Variants in GLI3 observed in about 807,000 individuals in gnomAD.
The protein encoded by GLI3 is transcription activator GLI3.
In GLI3, 20 loss-of-function variants were observed where a neutral mutation model predicts 100.8. The observed-to-expected ratio is 0.20, with a 90% CI of 0.14 to 0.29. The LOEUF (loss-of-function observed/expected upper bound fraction) is 0.29, where lower values mean the gene tolerates loss of function less well. Ranked by LOEUF, GLI3 falls within the 10% of genes least tolerant of loss-of-function variation. The pLI is 1.00. For synonymous variants in GLI3, 938 were observed against 860.5 expected (o/e 1.09, Z -1.58); for missense variants, 2,040 against 2,128.5 (o/e 0.96, Z 0.82).
At chr7:42,136,172 A>C (rs1786423868) in intron 3 of GLI3, among the ~76,000 whole-genome samples, 1 of 152,236 alleles carries the variant, frequency 6.6e-6, no homozygotes. Context: ...GATTTCACAT[A>C]ATGAATTAAG....
chr7:42,052,042 C>T (rs1784362821), intron 4 of GLI3, among the ~76,000 whole-genome samples: 1 of 152,298 alleles, frequency 6.6e-6, no homozygotes, highest in African/African-American at 2.4e-5. Context: ...TTTGCCCTCG[C>T]CATAGTTTTG....
intron 2 of GLI3, among the ~76,000 whole-genome samples, chr7:42,153,457 C>T (rs752933828): frequency 6.6e-6 from 1 of 151,956 alleles, no homozygotes; most frequent in Non-Finnish European, 1.5e-5. Context: ...ACTAAGGAAA[C>T]TCTCCATCAT....
intron 1 of GLI3, among the ~76,000 whole-genome samples, chr7:42,249,122 A>G (rs984152670): frequency 9.9e-5 from 15 of 152,172 alleles, no homozygotes; most frequent in African/African-American, 3.4e-4. Context: ...TTTCTAAGCA[A>G]TCACAGACTC....
chr7:42,103,658 T>C (rs1245673099), intron 3 of GLI3, among the ~76,000 whole-genome samples: 1 of 152,124 alleles, frequency 6.6e-6, no homozygotes, highest in African/African-American at 2.4e-5. Context: ...ACCCAGTCCT[T>C]TTCACATTCC....
intron 10 of GLI3, among the ~76,000 whole-genome samples, chr7:42,007,224 A>T (rs1440883209): frequency 4.4e-5 from 3 of 68,450 alleles, no homozygotes; most frequent in Admixed American, 2.9e-4. Context: ...AGGAAATTTA[A>T]AAAAAAAAAA....
intron 10 of GLI3, among the ~76,000 whole-genome samples, chr7:42,018,261 C>T (rs538062517): frequency 2.6e-5 from 4 of 152,256 alleles, no homozygotes; most frequent in African/African-American, 4.8e-5. Context: ...TTTTATATGC[C>T]GTGTTTCCAA....
At chr7:42,159,403 C>T (rs1787080623) in intron 2 of GLI3, among the ~76,000 whole-genome samples, 3 of 152,198 alleles carry the variant, frequency 2.0e-5, no homozygotes, top group Admixed American at 1.3e-4. Context: ...AGTATAATCC[C>T]TTCCCACTGG....
chr7:42,046,145 T>C (rs540811906), intron 5 of GLI3, among the ~76,000 whole-genome samples: 6 of 152,340 alleles, frequency 3.9e-5, no homozygotes, highest in South Asian at 2.1e-4. Flanking sequence ...CTGGAGCAAT[T>C]TACTGCCAAG....
chr7:42,084,303 G>A (rs1011532229), intron 3 of GLI3, among the ~76,000 whole-genome samples: 4 of 152,174 alleles, frequency 2.6e-5, no homozygotes, highest in African/African-American at 9.7e-5. Context: ...TCCTCTGCAA[G>A]TGAACTGACA....
chr7:42,148,308 T>C lies in GLI3; in HGVS notation c.285A>G (p.Pro95=). The change falls in exon 3 of 15, where the codon CCA becomes CCG. Residue 95 remains proline, a synonymous_variant. Coordinates refer to ENST00000395925, the MANE Select transcript of GLI3 (RefSeq NM_000168.6). ...LIKKEIHGSL[P]HVAEPSVPYR... is the part of the protein sequence containing the mutation. Reference sequence around the variant, plus strand: ...ACGGCACAGAGGGCTCCGCCACGTGTGGCAGGGACCCATGGATCTCTTTCT... The same window carrying C: ...ACGGCACAGAGGGCTCCGCCACGTGCGGCAGGGACCCATGGATCTCTTTCT... The C allele has an allele frequency of 6.2e-7, 1 of 1,613,514 alleles. No individual in the cohort carries two copies. Among genetic ancestry groups the C allele is most frequent in the Non-Finnish European group, 8.5e-7 (1 of 1,179,724 alleles).
At chr7:41,987,121 CACA>C (rs1256618832) in intron 10 of GLI3, among the ~76,000 whole-genome samples, 1 of 151,788 alleles carries the variant, frequency 6.6e-6, no homozygotes, top group Non-Finnish European at 1.5e-5. Context: ...CACACACACA[CACA>C]CACACACACA....
chr7:41,977,333 G>A (rs777155002), intron 12 of GLI3, among the ~76,000 whole-genome samples: 2 of 152,152 alleles, frequency 1.3e-5, no homozygotes, highest in Admixed American at 6.5e-5. Flanking sequence ...TAAGTTCGCA[G>A]GGGTTTTAAG....
In GLI3 at chr7:42,194,759, C is replaced by CTT. The variant is rs61524545; in HGVS notation, c.124+28369_124+28370dup. ...AATGCATCAACTTCTCTCTCTGTCT[C>CTT]TTTTTTTTTTTTTTTTTGGAGTCGG... is the stretch of plus-strand genomic sequence containing the variant. On this transcript the variant is annotated intron_variant, in intron 2 of 14. Coordinates refer to ENST00000395925, the MANE Select transcript of GLI3 (RefSeq NM_000168.6). Among the ~76,000 whole-genome samples the CTT allele has an allele frequency of 1.3e-4, 14 of 108,940 alleles. 1 individual carries two copies. The highest frequency in any genetic ancestry group is 3.2e-4 in the South Asian group (1 of 3,106). 71.5% of individuals were successfully genotyped at this position (108,940 alleles called of 152,430 possible). A position where few individuals can be genotyped will look rare whatever the true frequency, so the allele number is the denominator to read the frequency against.
intron 3 of GLI3, among the ~76,000 whole-genome samples, chr7:42,088,507 C>G (rs1245517501): frequency 6.6e-6 from 1 of 152,130 alleles, no homozygotes; most frequent in African/African-American, 2.4e-5. Context: ...CCGTCCACCC[C>G]TTAGAGCACC....
intron 4 of GLI3, among the ~76,000 whole-genome samples, chr7:42,065,321 T>C (rs548751480): frequency 1.3e-5 from 2 of 151,850 alleles, no homozygotes; most frequent in South Asian, 4.2e-4. Context: ...GCACCCCACC[T>C]GCTTGTTAAG....
At chr7:42,092,303 C>T (rs982870498) in intron 3 of GLI3, among the ~76,000 whole-genome samples, 16 of 152,176 alleles carry the variant, frequency 1.1e-4, no homozygotes, top group African/African-American at 3.9e-4. Flanking sequence ...CGAAGCAACA[C>T]CTCATTAAGA....
chr7:42,189,899 C>T (rs1453502767), intron 2 of GLI3, among the ~76,000 whole-genome samples: 1 of 151,190 alleles, frequency 6.6e-6, no homozygotes, highest in African/African-American at 2.4e-5. Flanking sequence ...TAATATTATA[C>T]CAAGATAGAT....
intron 1 of GLI3, among the ~76,000 whole-genome samples, chr7:42,234,326 T>A (rs546449472): frequency 2.0e-5 from 3 of 152,150 alleles, no homozygotes; most frequent in African/African-American, 7.2e-5. Flanking sequence ...ATACCTTACA[T>A]AGGAGGAAGG....
intron 10 of GLI3, among the ~76,000 whole-genome samples, chr7:42,017,498 C>A (rs1423578154): frequency 6.6e-6 from 1 of 152,170 alleles, no homozygotes; most frequent in African/African-American, 2.4e-5. Context: ...CAGCCCACCC[C>A]AAACTCCCTC....
Sources: allele counts gnomAD v4.1 joint callset (sites outside exome capture counted in the v4.1 genomes callset), GRCh38; gene constraint gnomAD v4.1.1; transcripts MANE v1.5; gene names NCBI Gene and HGNC (gene_info 2026-07-23, HGNC 2026-07-21).